The following GRID2 variants were observed in gnomAD, a reference collection of about 807,000 sequenced individuals.
The protein encoded by GRID2 is glutamate receptor ionotropic, delta-2.
Under a neutral mutation model 114.8 loss-of-function variants are expected in GRID2, and 33 were observed. The observed-to-expected ratio is 0.29, with a 90% confidence interval of 0.22 to 0.38. The LOEUF (loss-of-function observed/expected upper bound fraction) is 0.38, where lower values mean the gene tolerates loss of function less well. Ranked by LOEUF, GRID2 falls within the 10% of genes least tolerant of loss-of-function variation. The pLI is 1.00. For synonymous variants in GRID2, 505 were observed against 449.9 expected, an observed-to-expected ratio of 1.12 and a Z score of -1.55; for missense variants, 1,184 against 1,257.7, an observed-to-expected ratio of 0.94 and a Z score of 0.89.
At chr4:93,040,697 A>T (rs919662354) in intron 2 of GRID2, among the ~76,000 whole-genome samples, 4 of 152,164 alleles carry the variant, frequency 2.6e-5, no homozygotes, top group African/African-American at 4.8e-5. Flanking sequence ...TTACACTGAG[A>T]ATAAGCACTC....
intron 14 of GRID2, among the ~76,000 whole-genome samples, chr4:93,742,179 A>C (rs1731481137): frequency 6.6e-6 from 1 of 152,156 alleles, no homozygotes; most frequent in Admixed American, 6.5e-5. Flanking sequence ...ATATACCCTG[A>C]ACACTAATTT....
chr4:93,341,546 C>T (rs1031029789), intron 8 of GRID2, among the ~76,000 whole-genome samples: 1 of 152,178 alleles, frequency 6.6e-6, no homozygotes, highest in Admixed American at 6.5e-5. Context: ...TGATCTCGAA[C>T]TCCTGGCCTC....
chr4:92,933,150 T>C (rs1295407946), intron 2 of GRID2, among the ~76,000 whole-genome samples: 1 of 149,884 alleles, frequency 6.7e-6, no homozygotes, highest in Non-Finnish European at 1.5e-5. Context: ...TTTTATACAT[T>C]ATATATATAT....
chr4:93,377,896 G>A (rs1430752437), intron 8 of GRID2, among the ~76,000 whole-genome samples: 1 of 151,996 alleles, frequency 6.6e-6, no homozygotes, highest in African/African-American at 2.4e-5. Flanking sequence ...AAAAGAATAA[G>A]AATAGAAACT....
chr4:92,886,767 A>G (rs1461232731), intron 2 of GRID2, among the ~76,000 whole-genome samples: 2 of 152,092 alleles, frequency 1.3e-5, no homozygotes, highest in Admixed American at 1.3e-4. Flanking sequence ...CTGGGACTAC[A>G]GGTGCCCGCC....
At chr4:92,864,293 G>A (rs1342521136) in intron 2 of GRID2, among the ~76,000 whole-genome samples, 1 of 152,146 alleles carries the variant, frequency 6.6e-6, no homozygotes, top group Non-Finnish European at 1.5e-5. Flanking sequence ...AGTTCTTTTG[G>A]AGGACAGTAC....
chr4:92,553,570 T>A (rs890848735), intron 1 of GRID2, among the ~76,000 whole-genome samples: 14 of 152,196 alleles, frequency 9.2e-5, no homozygotes, highest in Non-Finnish European at 1.8e-4. Flanking sequence ...CTCACTTATT[T>A]TTTAATTGCA....
At chr4:92,761,070 G>A (rs1302435240) in intron 2 of GRID2, among the ~76,000 whole-genome samples, 2 of 151,620 alleles carry the variant, frequency 1.3e-5, no homozygotes, top group African/African-American at 4.8e-5. Flanking sequence ...TAACTACATT[G>A]TATCCTGGAT....
intron 2 of GRID2, among the ~76,000 whole-genome samples, chr4:92,610,973 A>G (rs1290669832): frequency 6.6e-6 from 1 of 151,450 alleles, no homozygotes; most frequent in Non-Finnish European, 1.5e-5. Flanking sequence ...CTTAGTTTCC[A>G]GCTTCTCTTA....
intron 4 of GRID2, among the ~76,000 whole-genome samples, chr4:93,115,384 G>A (rs72665276): frequency 0.14 from 12,689 of 89,432 alleles, 861 homozygotes; most frequent in African/African-American, 0.27. Flanking sequence ...TTCTTATGTG[G>A]CATTCCAAGT....
At chr4:92,809,592 C>T (rs113723170) in intron 2 of GRID2, among the ~76,000 whole-genome samples, 12 of 151,982 alleles carry the variant, frequency 7.9e-5, no homozygotes, top group East Asian at 3.9e-4. Context: ...CATTCCATTT[C>T]GCAATACTCC....
At chr4:93,721,728 G>T (rs1729389809) in intron 14 of GRID2, among the ~76,000 whole-genome samples, 1 of 151,894 alleles carries the variant, frequency 6.6e-6, no homozygotes, top group South Asian at 2.1e-4. Flanking sequence ...CTTTTAGCAT[G>T]TTTGTCTTTA....
At chr4:93,354,256 T>G (rs1037026810) in intron 8 of GRID2, among the ~76,000 whole-genome samples, 1 of 152,082 alleles carries the variant, frequency 6.6e-6, no homozygotes, top group African/African-American at 2.4e-5. Context: ...GAATTCATGT[T>G]GCATGAAAGA....
chr4:93,728,796 C>G (rs940873609), intron 14 of GRID2, among the ~76,000 whole-genome samples: 14 of 152,052 alleles, frequency 9.2e-5, no homozygotes, highest in Admixed American at 2.0e-4. Flanking sequence ...TTATCAGAGA[C>G]TAGGATTGCA....
intron 14 of GRID2, among the ~76,000 whole-genome samples, chr4:93,681,871 C>CAAGGACTTCATGTCTAAA (rs1298985452): frequency 1.3e-5 from 2 of 151,840 alleles, no homozygotes; most frequent in Non-Finnish European, 2.9e-5. Context: ...TAGGCATGGG[C>CAAGGACTTCATGTCTAAA]AAGGACTTCA....
intron 2 of GRID2, among the ~76,000 whole-genome samples, chr4:92,791,442 TATA>T (rs1739586844): frequency 1.3e-5 from 2 of 151,882 alleles, no homozygotes; most frequent in African/African-American, 4.8e-5. Flanking sequence ...AAATGTCAGA[TATA>T]ATTTTTATGA....
intron 8 of GRID2, among the ~76,000 whole-genome samples, chr4:93,324,050 G>T (rs1265987606): frequency 6.6e-6 from 1 of 152,092 alleles, no homozygotes; most frequent in African/African-American, 2.4e-5. Context: ...TCTTTCTCCT[G>T]CCTAATTGCC....
intron 4 of GRID2, among the ~76,000 whole-genome samples, chr4:93,168,236 G>A (rs942736439): frequency 1.3e-5 from 2 of 150,198 alleles, no homozygotes; most frequent in African/African-American, 4.9e-5. Flanking sequence ...GAAAGGAAAG[G>A]AAAGAAAAGG....
chr4:93,263,634 A>G (rs554814508), intron 8 of GRID2, among the ~76,000 whole-genome samples: 112 of 152,232 alleles, frequency 7.4e-4, no homozygotes, highest in African/African-American at 2.5e-3. Flanking sequence ...TTCACAATAT[A>G]GTTCATTTGG....
Sources: gnomAD v4.1 joint callset for allele counts (sites outside exome capture counted in the v4.1 genomes callset) on GRCh38, gnomAD v4.1.1 for gene constraint, MANE v1.5 for transcripts, NCBI Gene and HGNC (gene_info 2026-07-23, HGNC 2026-07-21) for gene names.